FRK: variants seen among roughly 807,000 people sequenced by gnomAD.
The protein encoded by FRK is fyn related Src family tyrosine kinase, also known as tyrosine-protein kinase FRK.
Under a neutral mutation model 56.4 loss-of-function variants are expected in FRK, and 51 were observed. The ratio of observed to expected loss-of-function variants is 0.90; its 90% CI spans 0.72 to 1.14. The LOEUF (loss-of-function observed/expected upper bound fraction) is 1.14, where lower values mean the gene tolerates loss of function less well. FRK is among the 50% of genes most tolerant of loss of function. The pLI, the probability that FRK is intolerant of heterozygous loss-of-function variation, is 0.00. For synonymous variants in FRK, 245 were observed against 217.9 expected (o/e 1.12, Z -1.10); for missense variants, 570 against 601.4 (o/e 0.95, Z 0.55).
chr6:115,951,734 G>A (rs1772761475), intron 5 of FRK, among the ~76,000 whole-genome samples: 1 of 152,132 alleles, frequency 6.6e-6, no homozygotes, highest in African/African-American at 2.4e-5. Context: ...TGCACTGACA[G>A]GCATAATACT....
At chr6:116,077,901 T>C in the FRK span, among the ~76,000 whole-genome samples, 1 of 152,248 alleles carries the variant, frequency 6.6e-6, no homozygotes, top group East Asian at 1.9e-4. Flanking sequence ...GGCTCATGCC[T>C]GTAATCCCAG....
Position 116,021,845 on chromosome 6 carries a change from G to A in FRK, c.345-17847C>T, listed in dbSNP as rs567564147. ...AATAGTAAAGACAACAGTAAAAAAT[G>A]GTCAAAGGAAAACCAAACCATGGGA... On this transcript the variant is annotated intron_variant, in intron 1 of 7. Transcript: ENST00000606080. Among the ~76,000 whole-genome samples the A allele has an allele frequency of 9.0e-4, 136 of 151,866 alleles. 1 individual carries two copies. Among genetic ancestry groups the A allele is most frequent in the Middle Eastern group, 6.8e-3 (2 of 294 alleles).
chr6:116,083,875 G>A, the FRK span, among the ~76,000 whole-genome samples: 99 of 150,262 alleles, frequency 6.6e-4, no homozygotes, highest in Non-Finnish European at 1.2e-3. Flanking sequence ...TGCCCAGGCT[G>A]GTCTCAAATT....
At chr6:116,028,998 C>G (rs1004169136) in intron 1 of FRK, among the ~76,000 whole-genome samples, 1 of 152,076 alleles carries the variant, frequency 6.6e-6, no homozygotes, top group Non-Finnish European at 1.5e-5. Context: ...AGATGTGGGA[C>G]CTGCCATTCT....
chr6:115,997,953 G>T (rs2114679468), intron 2 of FRK, among the ~76,000 whole-genome samples: 1 of 152,306 alleles, frequency 6.6e-6, no homozygotes, highest in East Asian at 1.9e-4. Context: ...TAGGTGCTGG[G>T]CTTTCCAAAG....
At chr6:116,035,676 T>G (rs559602424) in intron 1 of FRK, among the ~76,000 whole-genome samples, 33 of 152,244 alleles carry the variant, frequency 2.2e-4, no homozygotes, top group African/African-American at 7.9e-4. Flanking sequence ...AGCTATTCCT[T>G]AAAATCAAAC....
At chr6:116,096,511 A>G in the FRK span, among the ~76,000 whole-genome samples, 2 of 152,152 alleles carry the variant, frequency 1.3e-5, no homozygotes, top group Non-Finnish European at 2.9e-5. Context: ...AGCACTCTGT[A>G]AAAACGCACC....
chr6:116,062,496 T>C (rs1336077588), upstream of FRK, among the ~76,000 whole-genome samples: 1 of 151,484 alleles, frequency 6.6e-6, no homozygotes, highest in Non-Finnish European at 1.5e-5. Flanking sequence ...GAAAGAAAGA[T>C]TTGGAAGCAA....
chr6:115,934,850 T>C lies in FRK; in HGVS notation c.*7564A>G, dbSNP rs1336193354. On this transcript the variant is annotated 3_prime_UTR_variant, in exon 8 of 8. Transcript: ENST00000606080. ...CTAGTTATCTAATGAGACAGATAAT[T>C]TGATACATGCATTGTTTAAAAAAAC... is the stretch of plus-strand genomic sequence containing the variant. 1 of 152,162 alleles carries C rather than the reference T, an allele frequency of 6.6e-6. No homozygotes were observed. The highest frequency in any genetic ancestry group is 2.4e-5 in the African/African-American group (1 of 41,442). 9.4% of individuals were successfully genotyped at this position (152,162 alleles called of 1,614,324 possible). A position where few individuals can be genotyped will look rare whatever the true frequency, so the allele number is the denominator to read the frequency against.
At chr6:116,061,210 A>T (rs1347496595), upstream of FRK, among the ~76,000 whole-genome samples, 5 of 152,198 alleles carry the variant, frequency 3.3e-5, no homozygotes, top group Non-Finnish European at 1.5e-5. Flanking sequence ...TTCTTGTCAG[A>T]CACAGAGCAA....
chr6:116,024,984 T>C (rs1282985783), intron 1 of FRK, among the ~76,000 whole-genome samples: 1 of 152,166 alleles, frequency 6.6e-6, no homozygotes. Flanking sequence ...GATATCTCAT[T>C]GTGGTTTTGA....
At chr6:116,053,206 T>A (rs1228219919) in intron 1 of FRK, among the ~76,000 whole-genome samples, 5 of 152,168 alleles carry the variant, frequency 3.3e-5, no homozygotes, top group African/African-American at 7.2e-5. Context: ...CATACACTAA[T>A]GTTTGGATCT....
upstream of FRK, among the ~76,000 whole-genome samples, chr6:116,062,244 CTGT>C (rs1777652141): frequency 6.6e-6 from 1 of 151,914 alleles, no homozygotes; most frequent in Non-Finnish European, 1.5e-5. Flanking sequence ...TTTGTTGTTG[CTGT>C]TGTTGTTTTG....
Position 115,935,271 on chromosome 6 carries a change from G to A in FRK, c.*7143C>T, listed in dbSNP as rs1249696257. The A allele has an allele frequency of 6.6e-6, 1 of 152,380 alleles. No individual in the cohort carries two copies. The highest frequency in any genetic ancestry group is 1.5e-5 in the Non-Finnish European group (1 of 68,190). The allele number at this position is 152,380 out of a possible 1,614,324, so 9.4% of individuals were successfully genotyped here. A position where few individuals can be genotyped will look rare whatever the true frequency, so the allele number is the denominator to read the frequency against. The stretch of plus-strand genomic sequence containing the variant: ...CAGGGAACTACCTCCTCTACCCAAG[G>A]GAAGCCATGAGGGACTGTACCTGAG... On this transcript the variant is annotated 3_prime_UTR_variant, in exon 8 of 8. Transcript: ENST00000606080.
chr6:115,956,370 C>G (rs1285462063), intron 5 of FRK, 82 bp downstream of exon 5: 11 of 1,044,174 alleles, frequency 1.1e-5, no homozygotes, highest in Non-Finnish European at 1.3e-5. Flanking sequence ...CTTTCGGTTA[C>G]AGAAGGCTTG....
chr6:115,976,953 G>C (rs1171647688), intron 2 of FRK, among the ~76,000 whole-genome samples: 1 of 152,092 alleles, frequency 6.6e-6, no homozygotes, highest in African/African-American at 2.4e-5. Flanking sequence ...ACTTAACATA[G>C]TGGCTACCAA....
chr6:115,946,107 A>G (rs2114520450), intron 5 of FRK, among the ~76,000 whole-genome samples: 1 of 152,236 alleles, frequency 6.6e-6, no homozygotes. Flanking sequence ...CATCAACTCA[A>G]ACTAATATTA....
intron 1 of FRK, among the ~76,000 whole-genome samples, chr6:116,042,625 A>G (rs1334662680): frequency 6.6e-6 from 1 of 152,220 alleles, no homozygotes; most frequent in African/African-American, 2.4e-5. Flanking sequence ...CAGACACTGC[A>G]AAAACATACC....
At chr6:115,974,722 T>C (rs905201346) in intron 2 of FRK, among the ~76,000 whole-genome samples, 8 of 152,176 alleles carry the variant, frequency 5.3e-5, no homozygotes, top group African/African-American at 1.9e-4. Flanking sequence ...TGCGTAGTCC[T>C]TTCATAAAAC....
Sources: allele counts gnomAD v4.1 joint callset (sites outside exome capture counted in the v4.1 genomes callset), GRCh38; gene constraint gnomAD v4.1.1; transcripts MANE v1.5; gene names NCBI Gene and HGNC (gene_info 2026-07-23, HGNC 2026-07-21).